The following KIZ variants were observed in gnomAD, a reference collection of about 807,000 sequenced individuals.
The protein encoded by KIZ is centrosomal protein kizuna.
In KIZ, 68 loss-of-function variants were observed where a neutral mutation model predicts 79.6. The ratio of observed to expected loss-of-function variants is 0.85; its 90% CI spans 0.70 to 1.05. The LOEUF (loss-of-function observed/expected upper bound fraction) is 1.05. Ranked by LOEUF, KIZ falls within the 50% of genes least tolerant of loss-of-function variation. KIZ has a pLI of 0.00. For missense variants in KIZ, 797 were observed against 800.4 expected (o/e 1.00, Z 0.05); for synonymous variants, 280 against 281.8 (o/e 0.99, Z 0.06).
intron 6 of KIZ, among the ~76,000 whole-genome samples, chr20:21,192,279 A>ATTT (rs1260846529): frequency 1.6e-3 from 144 of 91,040 alleles, no homozygotes; most frequent in Middle Eastern, 5.8e-3. Flanking sequence ...TCATTTCTGG[A>ATTT]TTTTTTTTTT....
chr20:21,131,367 C>T (rs988526344), intron 1 of KIZ, among the ~76,000 whole-genome samples: 37 of 152,354 alleles, frequency 2.4e-4, no homozygotes, highest in Non-Finnish European at 1.0e-4. Context: ...GACACCATTA[C>T]AGAGTTATAA....
intron 7 of KIZ, 74 bp downstream of exon 7, chr20:21,205,658 TAAAAA>T: frequency 4.0e-6 from 2 of 499,004 alleles, no homozygotes; most frequent in Admixed American, 4.1e-5. Context: ...AATTTTTATT[TAAAAA>T]AAAAAAAAAA....
intron 6 of KIZ, among the ~76,000 whole-genome samples, chr20:21,202,776 T>C (rs748883520): frequency 1.6e-4 from 24 of 152,150 alleles, no homozygotes; most frequent in Non-Finnish European, 2.9e-4. Flanking sequence ...TATCCATCCT[T>C]CCATCAATCC....
chr20:21,242,572 G>A (rs1284227106), intron 11 of KIZ, among the ~76,000 whole-genome samples: 1 of 147,274 alleles, frequency 6.8e-6, no homozygotes, highest in Non-Finnish European at 1.5e-5. Flanking sequence ...AGGGGTGGGG[G>A]TGGAATTGGC....
rs563620835 is a variant in KIZ, at chr20:21,154,809, G to C, written c.406-7062G>C. ...ATAGTGTTCAGAATTTAAGATTAAA[G>C]AGTACTCTGTTTCCTGTTGCTAAGC... is the stretch of plus-strand genomic sequence containing the variant. On this transcript the variant is annotated intron_variant, in intron 4 of 12. Transcript: ENST00000619189. 3.3e-5 allele frequency among the ~76,000 whole-genome samples: 5 copies of C among 152,312 alleles called. No homozygotes were observed. In the South Asian group the frequency reaches 1.0e-3, roughly 32 times the overall value.
intron 6 of KIZ, among the ~76,000 whole-genome samples, chr20:21,186,907 A>T (rs762426932): frequency 6.6e-6 from 1 of 151,888 alleles, no homozygotes; most frequent in Non-Finnish European, 1.5e-5. Flanking sequence ...GCTTCCTCTT[A>T]GCAGCTTCTT....
chr20:21,184,077 T>A (rs1277170682), intron 6 of KIZ, among the ~76,000 whole-genome samples: 3 of 152,030 alleles, frequency 2.0e-5, no homozygotes, highest in Non-Finnish European at 4.4e-5. Context: ...TTCGTCAGAA[T>A]AAAACTGGGT....
intron 9 of KIZ, among the ~76,000 whole-genome samples, chr20:21,227,254 C>CA (rs1428382248): frequency 6.6e-6 from 1 of 152,098 alleles, no homozygotes; most frequent in Non-Finnish European, 1.5e-5. Context: ...TTGCCAGTGA[C>CA]ACGTTTTCCT....
chr20:21,235,150 A>G (rs958176964), intron 11 of KIZ, among the ~76,000 whole-genome samples: 2 of 152,208 alleles, frequency 1.3e-5, no homozygotes, highest in African/African-American at 4.8e-5. Flanking sequence ...CTTTCTTAAT[A>G]AGCGTTACAG....
intron 6 of KIZ, among the ~76,000 whole-genome samples, chr20:21,165,799 G>A (rs2033902192): frequency 6.6e-6 from 1 of 152,170 alleles, no homozygotes; most frequent in South Asian, 2.1e-4. Flanking sequence ...ATTATCCAAG[G>A]TGGACCTGAC....
In KIZ at chr20:21,136,457, C is replaced by T. The variant is rs1165769554; in HGVS notation, c.220C>T (p.His74Tyr). The part of the protein sequence containing the change: ...KEICESEKKA[H>Y]TRNQEYLKRF... ...AATATGTGAATCTGAAAAGAAGGCT[C>T]ATACTCGAAACCAAGAATATTTAAA... The change falls in exon 3 of 13, where the codon CAT becomes TAT. Residue 74 changes from histidine to tyrosine, a missense_variant. By Grantham distance (83) the His-to-Tyr change is moderately conservative. Coordinates refer to ENST00000619189, the MANE Select transcript of KIZ (RefSeq NM_018474.6). The T allele has an allele frequency of 3.2e-6, 5 of 1,581,848 alleles. No individual in the cohort carries two copies. The highest frequency in any genetic ancestry group is 4.3e-6 in the Non-Finnish European group (5 of 1,158,440).
intron 3 of KIZ, among the ~76,000 whole-genome samples, chr20:21,144,360 C>G (rs2032735301): frequency 6.6e-6 from 1 of 152,100 alleles, no homozygotes; most frequent in Non-Finnish European, 1.5e-5. Flanking sequence ...GATACTATCC[C>G]TTGGAATCTG....
chr20:21,229,808 T>G (rs557996846), intron 10 of KIZ, among the ~76,000 whole-genome samples: 2 of 152,310 alleles, frequency 1.3e-5, no homozygotes, highest in African/African-American at 2.4e-5. Context: ...ACTCCTGGAC[T>G]CAAGCGATCC....
At chr20:21,207,412 C>T (rs1159083838) in intron 7 of KIZ, among the ~76,000 whole-genome samples, 1 of 151,798 alleles carries the variant, frequency 6.6e-6, no homozygotes, top group African/African-American at 2.4e-5. Context: ...ACCATTGCAC[C>T]ATATTTGTTT....
chr20:21,198,638 C>G (rs995380962), intron 6 of KIZ: 2 of 152,676 alleles, frequency 1.3e-5, no homozygotes, highest in African/African-American at 4.8e-5. Context: ...TTGATTCTAT[C>G]AAAGGGTGGA....
intron 4 of KIZ, among the ~76,000 whole-genome samples, chr20:21,149,562 T>C (rs1482842137): frequency 6.6e-6 from 1 of 152,222 alleles, no homozygotes; most frequent in Non-Finnish European, 1.5e-5. Flanking sequence ...AGCTCTGCAG[T>C]GGCTTTAGCC....
intron 7 of KIZ, among the ~76,000 whole-genome samples, chr20:21,211,101 A>AT (rs2036050027): frequency 6.6e-6 from 1 of 152,158 alleles, no homozygotes; most frequent in Admixed American, 6.5e-5. Context: ...CTGTTTATAC[A>AT]TTTGAATATC....
chr20:21,243,703 C>G (rs1408546511), intron 11 of KIZ, among the ~76,000 whole-genome samples: 1 of 152,210 alleles, frequency 6.6e-6, no homozygotes, highest in East Asian at 1.9e-4. Context: ...ACGCCACGAA[C>G]ACTAGCATTT....
At chr20:21,229,968 A>G (rs1037937047) in intron 10 of KIZ, among the ~76,000 whole-genome samples, 10 of 152,124 alleles carry the variant, frequency 6.6e-5, no homozygotes, top group East Asian at 1.9e-4. Context: ...TTGTATGTCT[A>G]TTATTTTCAG....
Sources: allele counts gnomAD v4.1 joint callset (sites outside exome capture counted in the v4.1 genomes callset), GRCh38; gene constraint gnomAD v4.1.1; transcripts MANE v1.5; gene names NCBI Gene and HGNC (gene_info 2026-07-23, HGNC 2026-07-21).